The following ODAD2 variants were observed in gnomAD, a reference collection of about 807,000 sequenced individuals.
ODAD2 encodes the protein outer dynein arm-docking complex subunit 2.
A neutral mutation model predicts 106.8 loss-of-function variants in ODAD2; 89 were observed. The ratio of observed to expected loss-of-function variants is 0.83; its 90% CI spans 0.70 to 0.99. The LOEUF is 0.99. ODAD2 is among the 50% of genes least tolerant of loss of function. ODAD2 has a pLI of 0.00. For missense variants in ODAD2, 1,168 were observed against 1,238.5 expected, an observed-to-expected ratio of 0.94 and a Z score of 0.85; for synonymous variants, 404 against 436.2, an observed-to-expected ratio of 0.93 and a Z score of 0.92.
intron 10 of ODAD2, among the ~76,000 whole-genome samples, chr10:27,960,961 T>C (rs1044222616): frequency 3.9e-5 from 6 of 152,306 alleles, no homozygotes; most frequent in Non-Finnish European, 8.8e-5. Flanking sequence ...CTCCTGCAAA[T>C]TCAAATACTT....
chr10:27,859,036 C>A (rs1839857423), intron 19 of ODAD2, among the ~76,000 whole-genome samples: 1 of 139,614 alleles, frequency 7.2e-6, no homozygotes, highest in Admixed American at 7.8e-5. Context: ...TTTTACCTGG[C>A]TACTTAAATT....
intron 10 of ODAD2, among the ~76,000 whole-genome samples, chr10:27,950,649 T>C (rs1329340422): frequency 2.0e-5 from 3 of 151,774 alleles, no homozygotes; most frequent in Admixed American, 6.6e-5. Context: ...TGCAACGGTG[T>C]GATCTCGGCT....
chr10:27,896,928 C>G (rs1842898527), intron 17 of ODAD2, among the ~76,000 whole-genome samples: 1 of 151,978 alleles, frequency 6.6e-6, no homozygotes, highest in Non-Finnish European at 1.5e-5. Context: ...TCTATTTCCT[C>G]CCCTCAATTC....
chr10:27,832,499 A>G lies in ODAD2; in HGVS notation c.3022-19874T>C, dbSNP rs544246300. Among the ~76,000 whole-genome samples the G allele has an allele frequency of 2.6e-5, 4 of 152,032 alleles. No homozygotes were observed. The South Asian group carries it at 8.3e-4, about 32-fold the overall frequency. On this transcript the variant is annotated intron_variant, in intron 19 of 19. Coordinates refer to ENST00000305242, the MANE Select transcript of ODAD2 (RefSeq NM_018076.5). ...GGTTCTCTAATTATCCACAAGCTCAACTTTCCCCCCACCCATGTTGTTCAC... is the reference window on the plus strand; with the variant it reads ...GGTTCTCTAATTATCCACAAGCTCAGCTTTCCCCCCACCCATGTTGTTCAC...
At chr10:27,930,890 T>C (rs528310690) in intron 16 of ODAD2, among the ~76,000 whole-genome samples, 2 of 152,338 alleles carry the variant, frequency 1.3e-5, no homozygotes, top group South Asian at 4.1e-4. Context: ...TAAAAGTTTA[T>C]AGTTTCTTTT....
rs56059926 is a variant in ODAD2, at chr10:27,943,795, C to CAAAAAA, written c.1743+421_1743+426dup. 3.7e-3 allele frequency among the ~76,000 whole-genome samples: 217 copies of CAAAAAA among 58,638 alleles called. 24 individuals carry two copies. Among genetic ancestry groups the CAAAAAA allele is most frequent in the African/African-American group, 0.01 (133 of 12,932 alleles). 38.5% of individuals were successfully genotyped at this position (58,638 alleles called of 152,430 possible). A position where few individuals can be genotyped will look rare whatever the true frequency, so the allele number is the denominator to read the frequency against. On this transcript the variant is annotated intron_variant, in intron 12 of 19. Transcript: ENST00000305242. ...GAGCCACAGAAGTGAGGCTCTGTCT[C>CAAAAAA]AAAAAAAAAAAAAAAAAAAAAAAAA...
intron 12 of ODAD2, 80 bp downstream of exon 12, chr10:27,944,142 C>T (rs1487860907): frequency 7.2e-6 from 9 of 1,241,866 alleles, no homozygotes; most frequent in African/African-American, 1.5e-5. Context: ...GAATTTCCAG[C>T]GTGGCCAGAA....
chr10:27,950,930 C>T (rs12772278), intron 10 of ODAD2, among the ~76,000 whole-genome samples: 81,252 of 151,818 alleles, frequency 0.54, 21,911 homozygotes, highest in Middle Eastern at 0.65. Flanking sequence ...ATAAAGTGGA[C>T]ACAAGAGCAG....
intron 17 of ODAD2, among the ~76,000 whole-genome samples, chr10:27,885,440 G>A (rs1365963858): frequency 7.4e-6 from 1 of 135,574 alleles, no homozygotes; most frequent in Non-Finnish European, 1.5e-5. Context: ...AACCTGGGAG[G>A]TGGAGGTTGC....
chr10:27,880,425 A>T (rs1198709111), intron 17 of ODAD2, among the ~76,000 whole-genome samples: 1 of 152,198 alleles, frequency 6.6e-6, no homozygotes, highest in African/African-American at 2.4e-5. Context: ...GTGGTTCTCA[A>T]ATTTTACTTT....
chr10:27,889,239 G>C (rs1011060772), intron 17 of ODAD2, among the ~76,000 whole-genome samples: 2 of 152,192 alleles, frequency 1.3e-5, no homozygotes, highest in Non-Finnish European at 2.9e-5. Flanking sequence ...CCAACCTTCT[G>C]ACCAGAAACT....
intron 4 of ODAD2, among the ~76,000 whole-genome samples, chr10:27,984,693 C>T (rs947710764): frequency 3.9e-5 from 6 of 152,070 alleles, no homozygotes; most frequent in African/African-American, 7.2e-5. Flanking sequence ...AGAATGTTTT[C>T]GTGATGTCAC....
chr10:27,881,547 G>A (rs574771410), intron 17 of ODAD2, among the ~76,000 whole-genome samples: 16 of 152,058 alleles, frequency 1.1e-4, no homozygotes, highest in African/African-American at 3.9e-4. Context: ...TGAGGTGAGA[G>A]GATCACTTGA....
intron 9 of ODAD2, among the ~76,000 whole-genome samples, chr10:27,965,620 C>G (rs1848442984): frequency 6.6e-6 from 1 of 152,108 alleles, no homozygotes; most frequent in Admixed American, 6.6e-5. Flanking sequence ...CTGCCACCCC[C>G]TGGAGTAGTG....
At chr10:27,944,162 A>C in intron 12 of ODAD2, 60 bp downstream of exon 12, 2 of 1,426,970 alleles carry the variant, frequency 1.4e-6, no homozygotes, top group Non-Finnish European at 1.9e-6. Context: ...AAGGACAGCA[A>C]GGAGCTGTGT....
At chr10:27,892,606 GT>G (rs1430890464) in intron 17 of ODAD2, among the ~76,000 whole-genome samples, 2 of 152,170 alleles carry the variant, frequency 1.3e-5, no homozygotes, top group Non-Finnish European at 2.9e-5. Context: ...CCAAAATGAA[GT>G]TTTAAACTTA....
chr10:27,945,092 T>G (rs1846798961), intron 10 of ODAD2, 130 bp from the exon 11 acceptor site: 2 of 1,051,896 alleles, frequency 1.9e-6, no homozygotes, highest in Admixed American at 2.2e-5. Flanking sequence ...ATGAATCAGG[T>G]AGAGCCGAAG....
intron 7 of ODAD2, among the ~76,000 whole-genome samples, chr10:27,974,715 C>T (rs111447745): frequency 1.5e-5 from 2 of 137,060 alleles, no homozygotes; most frequent in African/African-American, 5.4e-5. Context: ...CTTAGGATTG[C>T]CTTGGCTATT....
intron 17 of ODAD2, among the ~76,000 whole-genome samples, chr10:27,868,913 T>C (rs1392213739): frequency 6.6e-6 from 1 of 151,612 alleles, no homozygotes; most frequent in Non-Finnish European, 1.5e-5. Flanking sequence ...AGGAGCAAAA[T>C]CATGCTCTTA....
Sources: allele counts gnomAD v4.1 joint callset (sites outside exome capture counted in the v4.1 genomes callset), GRCh38; gene constraint gnomAD v4.1.1; transcripts MANE v1.5; gene names NCBI Gene and HGNC (gene_info 2026-07-23, HGNC 2026-07-21).